Variants in POU2F1 observed in about 807,000 individuals in gnomAD.
POU2F1 encodes the protein POU class 2 homeobox 1.
POU2F1 carries 16 observed loss-of-function variants against 84.9 expected under a neutral mutation model. The ratio of observed to expected loss-of-function variants is 0.19; its 90% confidence interval spans 0.13 to 0.29. The LOEUF is 0.29. Among genes scored for constraint, POU2F1 ranks in the 10% least tolerant of loss-of-function variants. The probability of loss-of-function intolerance (pLI) is 1.00; values close to 1 mark genes in which losing one functional copy is unlikely to be tolerated. For missense variants in POU2F1, 738 were observed against 942.6 expected, an observed-to-expected ratio of 0.78 and a Z score of 2.84; for synonymous variants, 368 against 368.3, an observed-to-expected ratio of 1.00 and a Z score of 0.01.
chr1:167,279,636 T>G (rs113442722), intron 1 of POU2F1, among the ~76,000 whole-genome samples: 6,583 of 152,164 alleles, frequency 0.043, 179 homozygotes, highest in African/African-American at 0.078. Context: ...GAGAATTGCT[T>G]GAACCCTGGA....
intron 1 of POU2F1, among the ~76,000 whole-genome samples, chr1:167,237,756 A>ATTTTTTTTTTT (rs1649577130): frequency 1.2e-5 from 1 of 80,932 alleles, no homozygotes; most frequent in Admixed American, 1.8e-4. Context: ...GTATATATAT[A>ATTTTTTTTTTT]TATATATATA....
chr1:167,332,117 C>A (rs1657115504), intron 1 of POU2F1, among the ~76,000 whole-genome samples: 1 of 152,012 alleles, frequency 6.6e-6, no homozygotes, highest in Admixed American at 6.6e-5. Flanking sequence ...ATGTGAGGTG[C>A]TTCCCCCCTT....
intron 4 of POU2F1, among the ~76,000 whole-genome samples, chr1:167,370,877 G>A (rs1659963141): frequency 6.6e-6 from 1 of 152,052 alleles, no homozygotes. Flanking sequence ...GAACCATATG[G>A]CACAACATGC....
chr1:167,287,586 G>A (rs1248060824), intron 1 of POU2F1, among the ~76,000 whole-genome samples: 1 of 152,236 alleles, frequency 6.6e-6, no homozygotes, highest in East Asian at 1.9e-4. Flanking sequence ...ATTAACATAT[G>A]TAGTACTGCT....
intron 3 of POU2F1, among the ~76,000 whole-genome samples, chr1:167,365,830 A>G (rs986373795): frequency 6.6e-6 from 1 of 152,206 alleles, no homozygotes; most frequent in Non-Finnish European, 1.5e-5. Context: ...TATTGTTTTT[A>G]TAAGTGGGTA....
At chr1:167,348,524 C>T (rs1658345682) in intron 2 of POU2F1, among the ~76,000 whole-genome samples, 2 of 152,156 alleles carry the variant, frequency 1.3e-5, no homozygotes, top group African/African-American at 4.8e-5. Context: ...AAAATTACAG[C>T]CATTTTAATG....
chr1:167,332,025 T>C (rs1442329275), intron 1 of POU2F1, among the ~76,000 whole-genome samples: 1 of 152,106 alleles, frequency 6.6e-6, no homozygotes, highest in Non-Finnish European at 1.5e-5. Context: ...TTATCAAGAT[T>C]ACCAGTGGGT....
chr1:167,400,087 G>A (rs1258745149), intron 12 of POU2F1, among the ~76,000 whole-genome samples: 5 of 143,614 alleles, frequency 3.5e-5, no homozygotes, highest in African/African-American at 1.0e-4. Context: ...GGGTTCAAGC[G>A]ATTCTCCTGC....
intron 1 of POU2F1, among the ~76,000 whole-genome samples, chr1:167,241,926 C>T (rs1215513172): frequency 6.6e-6 from 1 of 152,150 alleles, no homozygotes; most frequent in Non-Finnish European, 1.5e-5. Flanking sequence ...GATACATTGT[C>T]TAATTTAATC....
chr1:167,267,931 G>A lies in POU2F1; in HGVS notation c.61+46973G>A, dbSNP rs558558894. 2.1e-4 allele frequency among the ~76,000 whole-genome samples: 32 copies of A among 152,120 alleles called. No individual in the cohort carries two copies. In the Middle Eastern group the frequency reaches 0.01, roughly 49 times the overall value. On this transcript the variant is annotated intron_variant, in intron 1 of 15. Transcript: ENST00000367866. ...GCTGGGATTACAGGTGTGAGCCACC[G>A]TGCCCGGCCTACTGTGTCTTTTTTA... is the stretch of plus-strand genomic sequence containing the variant.
Position 167,399,198 on chromosome 1 carries a change from A to G in POU2F1, c.1282A>G (p.Thr428Ala), listed in dbSNP as rs1387953457. The G allele has an allele frequency of 1.9e-6, 3 of 1,601,890 alleles. No individual in the cohort carries two copies. The highest frequency in any genetic ancestry group is 1.7e-5 in the Admixed American group (1 of 58,640). The change falls in exon 12 of 16, where the codon ACC (threonine) becomes GCC (alanine). Residue 428 changes from threonine (T) to alanine (A), a missense_variant. By Grantham distance (58) the Thr-to-Ala change is moderately conservative. This residue lies in a region of POU2F1 where 95 missense variants were observed against 195.1 expected (regional missense o/e 0.49). Transcript: ENST00000367866. ...TTTCACCCTGCAGAATCAAAAGCCT[A>G]CCTCGGAAGAGATCACTATGATTGC... ...EKSFLENQKP[T>A]SEEITMIADQ...
rs539981108 is a variant in POU2F1 at position 167,249,762 on chromosome 1, G to A, written c.61+28804G>A. Among the ~76,000 whole-genome samples, 6 of 152,196 alleles carry A rather than the reference G, an allele frequency of 3.9e-5. 1 individual carries two copies. Among genetic ancestry groups the A allele is most frequent in the Non-Finnish European group, 5.9e-5 (4 of 68,026 alleles). On this transcript the variant is annotated intron_variant, in intron 1 of 15. Transcript: ENST00000367866. ...AGTTTTAGAGGAGGAACTGTCCTGA[G>A]TGATACATTTCAAGATCTGGTGGTC... is the stretch of plus-strand genomic sequence containing the variant.
At chr1:167,241,126 G>A (rs1649870373) in intron 1 of POU2F1, among the ~76,000 whole-genome samples, 6 of 152,102 alleles carry the variant, frequency 3.9e-5, no homozygotes, top group Admixed American at 3.3e-4. Flanking sequence ...TGGGCAACAA[G>A]AGTGAAACGC....
At chr1:167,300,147 C>T (rs1469396935) in intron 1 of POU2F1, among the ~76,000 whole-genome samples, 2 of 152,132 alleles carry the variant, frequency 1.3e-5, no homozygotes, top group East Asian at 1.9e-4. Flanking sequence ...TTACCCTAAG[C>T]GAGTTATTGC....
intron 1 of POU2F1, among the ~76,000 whole-genome samples, chr1:167,289,297 A>G (rs1432785148): frequency 6.6e-6 from 1 of 152,224 alleles, no homozygotes; most frequent in African/African-American, 2.4e-5. Flanking sequence ...GTCAGATTCT[A>G]CCACTAAGGT....
intron 1 of POU2F1, among the ~76,000 whole-genome samples, chr1:167,288,544 G>C (rs1236300537): frequency 2.0e-5 from 3 of 152,090 alleles, no homozygotes; most frequent in Non-Finnish European, 4.4e-5. Context: ...TTAAAAATTA[G>C]CCAGGTGCTG....
At chr1:167,374,024 A>T in intron 5 of POU2F1, 84 bp from the exon 6 acceptor site, 7 of 1,307,590 alleles carry the variant, frequency 5.4e-6, no homozygotes, top group Non-Finnish European at 7.8e-6. Context: ...ATATCATTTG[A>T]GTTACCTATT....
At chr1:167,233,137 A>T (rs1649187882) in intron 1 of POU2F1, among the ~76,000 whole-genome samples, 1 of 149,472 alleles carries the variant, frequency 6.7e-6, no homozygotes, top group Admixed American at 6.6e-5. Flanking sequence ...TTTATTTTTT[A>T]ATTTTTTTTT....
chr1:167,247,136 T>C (rs963292140), intron 1 of POU2F1, among the ~76,000 whole-genome samples: 5 of 151,034 alleles, frequency 3.3e-5, no homozygotes, highest in Admixed American at 6.6e-5. Flanking sequence ...AGTGCAGAGG[T>C]GAGATCAGGG....
Sources: allele counts gnomAD v4.1 joint callset (sites outside exome capture counted in the v4.1 genomes callset), GRCh38; gene constraint gnomAD v4.1.1; regional missense constraint gnomAD v4.1.1; transcripts MANE v1.5; gene names NCBI Gene and HGNC (gene_info 2026-07-23, HGNC 2026-07-21).